The following NOA1 variants were observed in gnomAD, a reference collection of about 807,000 sequenced individuals.
NOA1 encodes the protein nitric oxide associated 1.
A neutral mutation model predicts 58.4 loss-of-function variants in NOA1; 35 were observed. The observed-to-expected ratio is 0.60, with a 90% CI of 0.46 to 0.79. The LOEUF is 0.79. Ranked by LOEUF, NOA1 falls within the 30% of genes least tolerant of loss-of-function variation. The pLI is 0.00. For synonymous variants in NOA1, 397 were observed against 373.4 expected, an observed-to-expected ratio of 1.06 and a Z score of -0.73; for missense variants, 895 against 894.6, an observed-to-expected ratio of 1.00 and a Z score of -0.01.
At chr4:56,966,808 T>TA (rs577228194) in intron 4 of NOA1, 72 bp from the exon 5 acceptor site, 14,909 of 790,742 alleles carry the variant, frequency 0.019, no homozygotes, top group South Asian at 0.026. Context: ...TACAATCAAC[T>TA]AAAAAAAAAA....
chr4:56,966,712 C>CT lies in NOA1; in HGVS notation c.1671dup (p.Val558SerfsTer49). On this transcript the variant is annotated frameshift_variant, in exon 5 of 7. Coordinates refer to ENST00000264230, the MANE Select transcript of NOA1 (RefSeq NM_032313.4). LOFTEE classifies it high-confidence loss of function. ...ACAGGGAGGATGTTGGAAGCCACGACTGTAAACCAAGCTGACTGATTTCCC... is the reference window on the plus strand; with the variant it reads ...ACAGGGAGGATGTTGGAAGCCACGACTTGTAAACCAAGCTGACTGATTTCCC... 6.2e-7 allele frequency: 1 copy of CT among 1,613,284 alleles called. No homozygotes were observed. The highest frequency in any genetic ancestry group is 8.5e-7 in the Non-Finnish European group (1 of 1,179,320).
chr4:56,970,460 T>C (rs1286969670), intron 3 of NOA1, among the ~76,000 whole-genome samples: 1 of 150,812 alleles, frequency 6.6e-6, no homozygotes, highest in East Asian at 2.0e-4. Context: ...AAACCTTGTC[T>C]CTCTTTTTTG....
intron 3 of NOA1, among the ~76,000 whole-genome samples, chr4:56,971,315 C>CAAAAAAAAAAAAAA (rs35120609): frequency 1.9e-5 from 1 of 53,270 alleles, no homozygotes; most frequent in Non-Finnish European, 3.4e-5. Context: ...GACTCCATCT[C>CAAAAAAAAAAAAAA]AAAAAAAAAA....
In NOA1 at chr4:56,976,837, A is replaced by C. The variant is rs754637443; in HGVS notation, c.749T>G (p.Val250Gly). Reference protein sequence around the residue: ...PKQLIVLGNKVDLLPQDAPGY... With the variant: ...PKQLIVLGNKGDLLPQDAPGY... ...AGGAGCATCCTGGGGCAGGAGGTCC[A>C]CTTTGTTTCCCAGCACGATCAGCTG... Residue 250 changes from valine (V) to glycine (G), a missense_variant, in exon 1 of 7, where the codon GTG (valine) becomes GGG (glycine). Transcript: ENST00000264230. The C allele has an allele frequency of 6.2e-7, 1 of 1,612,952 alleles. No homozygotes were observed. Among genetic ancestry groups the C allele is most frequent in the East Asian group, 2.2e-5 (1 of 44,838 alleles).
At chr4:56,970,688 C>T (rs1315396034) in intron 3 of NOA1, among the ~76,000 whole-genome samples, 1 of 151,948 alleles carries the variant, frequency 6.6e-6, no homozygotes, top group Non-Finnish European at 1.5e-5. Context: ...TCTCAAACTC[C>T]TGGGCTCAAG....
At chr4:56,970,315 T>C (rs1041071806) in intron 3 of NOA1, among the ~76,000 whole-genome samples, 5 of 151,794 alleles carry the variant, frequency 3.3e-5, no homozygotes, top group African/African-American at 1.2e-4. Context: ...CTACAAAAAC[T>C]AAACAATTAG....
Position 56,964,481 on chromosome 4 carries a change from C to T in NOA1, c.1810G>A (p.Val604Ile). 6.2e-7 allele frequency: 1 copy of T among 1,614,120 alleles called. No homozygotes were observed. Residue 604 changes from valine (V) to isoleucine (I), a missense_variant, in exon 6 of 7, where the codon GTT becomes ATT. Transcript: ENST00000264230. ...TCTTTTAACATAATGTCTTCAGCAA[C>T]AAGAGGAGGAAATCCTGCCATTCGT... ...KERMAGFPPL[V>I]AEDIMLKEGL...
rs989168526 is a variant in NOA1, at chr4:56,976,638, G to C, written c.948C>G (p.Ile316Met). ...CCACTCCATAGCCGGTCTTGGCGCTGATCAGCCGCACGTCCCTGACCACTG... is the reference window on the plus strand; with the variant it reads ...CCACTCCATAGCCGGTCTTGGCGCTCATCAGCCGCACGTCCCTGACCACTG... ...SRTVVRDVRL[I>M]SAKTGYGVEE... The change falls in exon 1 of 7, where the codon ATC (isoleucine) becomes ATG (methionine). Residue 316 changes from isoleucine (I) to methionine (M), a missense_variant. Ile to Met is a conservative substitution (Grantham distance 10). Around this residue, in one of 3 missense-constraint regions of NOA1, gnomAD observed 680 missense variants for 656.5 expected, o/e 1.04. Coordinates refer to ENST00000264230, the MANE Select transcript of NOA1 (RefSeq NM_032313.4). 24 of 1,614,202 alleles carry C rather than the reference G, an allele frequency of 1.5e-5. No homozygotes were observed. The highest frequency in any genetic ancestry group is 1.9e-5 in the Non-Finnish European group (22 of 1,180,032).
intron 3 of NOA1, among the ~76,000 whole-genome samples, chr4:56,971,455 G>C (rs1721809731): frequency 6.6e-6 from 1 of 152,168 alleles, no homozygotes; most frequent in East Asian, 1.9e-4. Context: ...AATTATTCCA[G>C]GAGAGCAATA....
intron 3 of NOA1, among the ~76,000 whole-genome samples, chr4:56,968,774 T>C (rs1010841662): frequency 6.6e-6 from 1 of 152,220 alleles, no homozygotes; most frequent in Non-Finnish European, 1.5e-5. Context: ...GACTTTCCTA[T>C]GTCAGCAGCA....
At chr4:56,976,251 C>T (rs1721918631) in intron 1 of NOA1, among the ~76,000 whole-genome samples, 191 bp downstream of exon 1, 1 of 152,140 alleles carries the variant, frequency 6.6e-6, no homozygotes. Context: ...ATTACTACAA[C>T]ACATCCTCAA....
intron 6 of NOA1, 139 bp from the exon 7 acceptor site, chr4:56,963,800 A>G (rs1721650902): frequency 1.6e-6 from 1 of 644,090 alleles, no homozygotes; most frequent in Admixed American, 3.0e-5. Flanking sequence ...TTTTTAAGAA[A>G]CTGCGTCTTG....
In NOA1 at chr4:56,976,674, G is replaced by T; in HGVS notation, c.912C>A (p.Asn304Lys). ...CGTCCCTGACCACTGTGCGGGACCAGTTCGGCGGATTCGGATTCTCCCCGT... is the reference window on the plus strand; with the variant it reads ...CGTCCCTGACCACTGTGCGGGACCATTTCGGCGGATTCGGATTCTCCCCGT... ...PQDGENPNPP[N>K]WSRTVVRDVR... The change falls in exon 1 of 7, where the codon AAC becomes AAA. Residue 304 changes from asparagine to lysine, a missense_variant. Physicochemically the swap from Asn to Lys is moderately conservative, Grantham distance 94. Coordinates refer to ENST00000264230, the MANE Select transcript of NOA1 (RefSeq NM_032313.4). 4 of 1,613,760 alleles carry T rather than the reference G, an allele frequency of 2.5e-6. No homozygotes were observed. Among genetic ancestry groups the T allele is most frequent in the Non-Finnish European group, 3.4e-6 (4 of 1,179,678 alleles).
chr4:56,963,568 AAG>A lies in NOA1; in HGVS notation c.1977_1978del (p.Leu660AlafsTer5), dbSNP rs1204267579. Reference sequence around the variant, plus strand: ...TCCTTTGATGTTAACAATATATGGCAAGAGAGGGGGCCGGACGGTCAAAACTG... The same window carrying A: ...TCCTTTGATGTTAACAATATATGGCAAGAGGGGGCCGGACGGTCAAAACTG... On this transcript the variant is annotated frameshift_variant, in exon 7 of 7. Coordinates refer to ENST00000264230, the MANE Select transcript of NOA1 (RefSeq NM_032313.4). LOFTEE classifies it high-confidence loss of function. The A allele has an allele frequency of 1.7e-5, 27 of 1,613,962 alleles. No homozygotes were observed. The highest frequency in any genetic ancestry group is 2.3e-5 in the Non-Finnish European group (27 of 1,180,022).
In NOA1 at chr4:56,963,752, C is replaced by T. The variant is rs563600134; in HGVS notation, c.1886-91G>A. 6.2e-4 allele frequency: 518 copies of T among 828,916 alleles called. 1 individual carries two copies. The highest frequency in any genetic ancestry group is 5.7e-4 in the Non-Finnish European group (290 of 509,680). 51.3% of individuals were successfully genotyped at this position (828,916 alleles called of 1,614,324 possible). ...AAGCTGAAAATGGACTATCAGAGAA[C>T]GCTGTCACTCTCTTTCACTCTCTTA... On this transcript the variant is annotated intron_variant, in intron 6 of 6. Coordinates refer to ENST00000264230, the MANE Select transcript of NOA1 (RefSeq NM_032313.4).
Position 56,977,363 on chromosome 4 carries a change from G to A in NOA1, c.223C>T (p.Pro75Ser). ...GGCTCCGGATCCAGGATGTACTCCG[G>A]GAACAGAAAACGCTCCTGCATGTCA... Reference protein sequence around the residue: ...GGDMQERFLFPEYILDPEPQP... With the variant: ...GGDMQERFLFSEYILDPEPQP... The change falls in exon 1 of 7, where the codon CCG becomes TCG. Residue 75 changes from proline to serine, a missense_variant. Physicochemically the swap from Pro to Ser is moderately conservative, Grantham distance 74. Around this residue, in one of 3 missense-constraint regions of NOA1, gnomAD observed 680 missense variants for 656.5 expected, o/e 1.04. Transcript: ENST00000264230. 1 of 1,614,200 alleles carries A rather than the reference G, an allele frequency of 6.2e-7. No individual in the cohort carries two copies. The highest frequency in any genetic ancestry group is 8.5e-7 in the Non-Finnish European group (1 of 1,180,040).
At chr4:56,964,813 G>T (rs1377176629) in intron 5 of NOA1, among the ~76,000 whole-genome samples, 1 of 152,092 alleles carries the variant, frequency 6.6e-6, no homozygotes, top group Non-Finnish European at 1.5e-5. Context: ...ACTGTTTTTA[G>T]AATCCTCCAC....
At chr4:56,964,715 TGAA>T (rs1721666273) in intron 5 of NOA1, among the ~76,000 whole-genome samples, 189 bp from the exon 6 acceptor site, 1 of 152,196 alleles carries the variant, frequency 6.6e-6, no homozygotes, top group Admixed American at 6.5e-5. Flanking sequence ...TGTGATGGGA[TGAA>T]GCTTACAAAT....
chr4:56,971,889 TC>T (rs901475643), intron 3 of NOA1, among the ~76,000 whole-genome samples: 2 of 147,762 alleles, frequency 1.4e-5, no homozygotes, highest in Non-Finnish European at 3.0e-5. Flanking sequence ...TTAATGCTAT[TC>T]TTTTTTTTTT....
Sources: gnomAD v4.1 joint callset for allele counts (sites outside exome capture counted in the v4.1 genomes callset) on GRCh38, gnomAD v4.1.1 for gene constraint, gnomAD v4.1.1 regional missense constraint, MANE v1.5 for transcripts, NCBI Gene and HGNC (gene_info 2026-07-23, HGNC 2026-07-21) for gene names.